Variants in LRRD1 observed in about 807,000 individuals in gnomAD.
LRRD1 encodes leucine rich repeats and death domain containing 1.
LRRD1 carries 49 observed loss-of-function variants against 69.5 expected under a neutral mutation model. The observed-to-expected ratio is 0.70, with a 90% CI of 0.56 to 0.89. The LOEUF is 0.89. LRRD1 is among the 40% of genes least tolerant of loss of function. The probability of loss-of-function intolerance (pLI) is 0.00; values close to 1 mark genes in which losing one functional copy is unlikely to be tolerated. For missense variants in LRRD1, 853 were observed against 956.0 expected (o/e 0.89, Z 1.42); for synonymous variants, 303 against 338.9 (o/e 0.89, Z 1.16).
intron 1 of LRRD1, among the ~76,000 whole-genome samples, chr7:92,176,316 T>C (rs1372793309): frequency 6.6e-6 from 1 of 152,200 alleles, no homozygotes; most frequent in Non-Finnish European, 1.5e-5. Context: ...TATATGTTGG[T>C]CTTGTATGTA....
chr7:92,165,285 C>A lies in LRRD1; in HGVS notation c.-74-9G>T. 1.3e-6 allele frequency: 1 copy of A among 755,096 alleles called. No homozygotes were observed. Among genetic ancestry groups the A allele is most frequent in the Non-Finnish European group, 1.9e-6 (1 of 522,654 alleles). 46.8% of individuals were successfully genotyped at this position (755,096 alleles called of 1,614,324 possible). Reference sequence around the variant, plus strand: ...TGTTTTTTCCTTTGAATCTACAAAACAAATGTTGAAATTAAAAGATGTAAG... The same window carrying A: ...TGTTTTTTCCTTTGAATCTACAAAAAAAATGTTGAAATTAAAAGATGTAAG... On this transcript the variant is annotated splice_polypyrimidine_tract_variant and intron_variant, in intron 1 of 5. Transcript: ENST00000458448.
downstream of LRRD1, chr7:92,143,005 C>T (rs918559195): frequency 5.4e-5 from 13 of 238,976 alleles, no homozygotes; most frequent in Admixed American, 2.6e-4. Flanking sequence ...GCCCCACCCA[C>T]GTCCTGCTGA....
intron 3 of LRRD1, among the ~76,000 whole-genome samples, chr7:92,156,325 C>A (rs1270774541): frequency 1.3e-5 from 2 of 152,152 alleles, no homozygotes; most frequent in African/African-American, 4.8e-5. Context: ...TTTAGAATTA[C>A]CTCATTGTTT....
chr7:92,163,854 C>T lies in LRRD1; in HGVS notation c.1349G>A (p.Gly450Glu). 6.7e-7 allele frequency: 1 copy of T among 1,502,100 alleles called. No homozygotes were observed. The highest frequency in any genetic ancestry group is 8.9e-7 in the Non-Finnish European group (1 of 1,129,790). The allele number at this position is 1,502,100 out of a possible 1,614,324, so 93.0% of individuals were successfully genotyped here. The change falls in exon 2 of 6, where the codon GGA (glycine) becomes GAA (glutamate). Residue 450 changes from glycine (G) to glutamate (E), a missense_variant. Coordinates refer to ENST00000458448, the MANE Select transcript of LRRD1 (RefSeq NM_001161528.2). ...AATGGGAACATCTGTGATTATGTTTCCTGAAAATTCTAGACTGCATATGTT... is the reference window on the plus strand; with the variant it reads ...AATGGGAACATCTGTGATTATGTTTTCTGAAAATTCTAGACTGCATATGTT... Reference protein sequence around the residue: ...LNNICSLEFSGNIITDVPIEI... With the variant: ...LNNICSLEFSENIITDVPIEI...
chr7:92,147,435 C>G (rs139915826), intron 4 of LRRD1, among the ~76,000 whole-genome samples: 1 of 151,918 alleles, frequency 6.6e-6, no homozygotes, highest in African/African-American at 2.4e-5. Flanking sequence ...ATGCATTTGA[C>G]TGCTTCCTTC....
At chr7:92,159,266 T>A in intron 2 of LRRD1, 63 bp from the exon 3 acceptor site, 4 of 1,064,848 alleles carry the variant, frequency 3.8e-6, no homozygotes, top group Non-Finnish European at 5.1e-6. Context: ...GACTAAAACT[T>A]CTTCTAAAAT....
chr7:92,165,304 A>C (rs1788884142), intron 1 of LRRD1, 28 bp from the exon 2 acceptor site: 1 of 548,566 alleles, frequency 1.8e-6, no homozygotes, highest in Admixed American at 3.7e-5. Context: ...AAATTAAAAG[A>C]TGTAAGAGAT....
At chr7:92,146,779 G>A (rs531748321) in intron 4 of LRRD1, among the ~76,000 whole-genome samples, 160 of 146,438 alleles carry the variant, frequency 1.1e-3, no homozygotes, top group African/African-American at 3.9e-3. Flanking sequence ...AAAATTAGCC[G>A]GGCGTGGTCG....
At chr7:92,148,140 C>T (rs931549787) in intron 4 of LRRD1, among the ~76,000 whole-genome samples, 3 of 152,142 alleles carry the variant, frequency 2.0e-5, no homozygotes, top group African/African-American at 4.8e-5. Flanking sequence ...GGGTTTTTGG[C>T]ATGTTGGCCA....
At chr7:92,159,888 T>G (rs1028464182) in intron 2 of LRRD1, among the ~76,000 whole-genome samples, 3 of 152,164 alleles carry the variant, frequency 2.0e-5, no homozygotes, top group African/African-American at 7.2e-5. Flanking sequence ...CCCAAAGTGC[T>G]GGGATTAAGG....
chr7:92,177,075 G>T (rs1425235247), intron 1 of LRRD1, among the ~76,000 whole-genome samples: 1 of 149,220 alleles, frequency 6.7e-6, no homozygotes, highest in African/African-American at 2.5e-5. Context: ...AATTACTATA[G>T]TTTATACATG....
intron 3 of LRRD1, among the ~76,000 whole-genome samples, chr7:92,155,865 G>A (rs1275605951): frequency 2.0e-5 from 3 of 152,180 alleles, no homozygotes; most frequent in African/African-American, 7.2e-5. Context: ...TTTGAGGGCA[G>A]GAAGCATCCA....
intron 3 of LRRD1, among the ~76,000 whole-genome samples, chr7:92,151,436 C>G (rs1444440203): frequency 1.3e-5 from 2 of 152,110 alleles, no homozygotes; most frequent in Admixed American, 6.5e-5. Context: ...ATCAGAGATA[C>G]CTCATATCCG....
At chr7:92,178,716 T>C (rs1248781874) in intron 1 of LRRD1, 1 of 152,198 alleles carries the variant, frequency 6.6e-6, no homozygotes, top group Non-Finnish European at 1.5e-5. Flanking sequence ...ATATTGCCAA[T>C]TTGATAGGCA....
downstream of LRRD1, chr7:92,143,003 C>G (rs371010151): frequency 4.1e-6 from 1 of 241,648 alleles, no homozygotes. Flanking sequence ...TGGCCCCACC[C>G]ACGTCCTGCT....
chr7:92,142,644 T>C, downstream of LRRD1: 1 of 414,938 alleles, frequency 2.4e-6, no homozygotes, highest in Non-Finnish European at 4.8e-6. Context: ...CTGGAGTTTG[T>C]TCCTTCTGAT....
At chr7:92,165,733 C>T (rs577071049) in intron 1 of LRRD1, among the ~76,000 whole-genome samples, 131 of 151,958 alleles carry the variant, frequency 8.6e-4, no homozygotes, top group African/African-American at 2.7e-3. Flanking sequence ...TGGTAGCGGG[C>T]GCCTGTAATC....
chr7:92,165,164 A>G lies in LRRD1; in HGVS notation c.39T>C (p.Asp13=), dbSNP rs1788880943. 4 of 1,545,826 alleles carry G rather than the reference A, an allele frequency of 2.6e-6. No homozygotes were observed. Among genetic ancestry groups the G allele is most frequent in the Non-Finnish European group, 2.6e-6 (3 of 1,144,344 alleles). ...EKEGMSEVLE[D]TISQFRKESR... ...ATTCTTTCCTAAATTGACTAATAGTATCCTCTAGCACTTCTGACATACCCT... is the reference window on the plus strand; with the variant it reads ...ATTCTTTCCTAAATTGACTAATAGTGTCCTCTAGCACTTCTGACATACCCT... Residue 13 remains aspartate (D), a synonymous_variant, in exon 2 of 6, where the codon GAT becomes GAC. Coordinates refer to ENST00000458448, the MANE Select transcript of LRRD1 (RefSeq NM_001161528.2).
Position 92,159,031 on chromosome 7 carries a change from T to C in LRRD1, c.2090A>G (p.Asn697Ser), listed in dbSNP as rs952856602. The change falls in exon 3 of 6, where the codon AAT becomes AGT. Residue 697 changes from asparagine (N) to serine (S), a missense_variant. Coordinates refer to ENST00000458448, the MANE Select transcript of LRRD1 (RefSeq NM_001161528.2). ...SYLPPSLLSLNDLQQLNLSGN... is the reference protein window; with the variant it reads ...SYLPPSLLSLSDLQQLNLSGN... ...ACTCAGGTTTAGTTGCTGCAGATCA[T>C]TTAAAGATAGCAAAGATGGTGGAAG... The C allele has an allele frequency of 5.2e-6, 8 of 1,546,940 alleles. No individual in the cohort carries two copies. The highest frequency in any genetic ancestry group is 7.0e-6 in the Non-Finnish European group (8 of 1,145,698).
Sources: gnomAD v4.1 joint callset for allele counts (sites outside exome capture counted in the v4.1 genomes callset) on GRCh38, gnomAD v4.1.1 for gene constraint, MANE v1.5 for transcripts, NCBI Gene and HGNC (gene_info 2026-07-23, HGNC 2026-07-21) for gene names.